Variants in IMMT observed in about 807,000 individuals in gnomAD.
The protein encoded by IMMT is MICOS complex subunit MIC60.
IMMT carries 40 observed loss-of-function variants against 92.7 expected under a neutral mutation model. The observed-to-expected ratio is 0.43, with a 90% CI of 0.34 to 0.56. The LOEUF (loss-of-function observed/expected upper bound fraction) is 0.56, where lower values mean the gene tolerates loss of function less well. Among genes scored for constraint, IMMT ranks in the 20% least tolerant of loss-of-function variants. IMMT has a pLI of 0.03. For missense variants in IMMT, 831 were observed against 912.1 expected (o/e 0.91, Z 1.14); for synonymous variants, 322 against 336.1 (o/e 0.96, Z 0.46).
intron 3 of IMMT, among the ~76,000 whole-genome samples, chr2:86,175,646 TA>T (rs1266334446): frequency 5.3e-5 from 8 of 150,480 alleles, no homozygotes; most frequent in Non-Finnish European, 1.0e-4. Flanking sequence ...ATGTTGCCAC[TA>T]AAAAGGTTAC....
intron 2 of IMMT, among the ~76,000 whole-genome samples, chr2:86,180,905 AT>A (rs1672396059): frequency 6.6e-6 from 1 of 152,146 alleles, no homozygotes; most frequent in Non-Finnish European, 1.5e-5. Context: ...AGAAAAAAAA[AT>A]AGATAATAAA....
In IMMT at chr2:86,171,386, G is replaced by A. The variant is rs956448753; in HGVS notation, c.422-41C>T. ...ACTCATGGTATTTATACTTTCCTGGGTTAACAGAGAAACACACAGAAATTT... is the reference window on the plus strand; with the variant it reads ...ACTCATGGTATTTATACTTTCCTGGATTAACAGAGAAACACACAGAAATTT... On this transcript the variant is annotated intron_variant, in intron 4 of 14. Transcript: ENST00000410111. The A allele has an allele frequency of 1.3e-5, 20 of 1,580,818 alleles. No homozygotes were observed. In the African/African-American group the frequency reaches 2.3e-4, roughly 18 times the overall value.
intron 7 of IMMT, among the ~76,000 whole-genome samples, chr2:86,163,214 A>G (rs375572378): frequency 5.9e-5 from 9 of 152,038 alleles, no homozygotes; most frequent in East Asian, 3.9e-4. Flanking sequence ...CAGCTACTTG[A>G]GGGGCTGATG....
chr2:86,147,792 G>A lies in IMMT; in HGVS notation c.1443C>T (p.Thr481=), dbSNP rs758692989. ...GGGCAGCTGCCTGTCGGCGAAGCTG[G>A]GTTCTCATTTCATTTTCCATGGCAT... The part of the protein sequence containing the change: ...VRDAMENEMR[T]QLRRQAAAHT... Residue 481 remains threonine (T), a synonymous_variant, in exon 13 of 15, where the codon ACC becomes ACT. Coordinates refer to ENST00000410111, the MANE Select transcript of IMMT (RefSeq NM_006839.3). The A allele has an allele frequency of 1.1e-5, 17 of 1,613,746 alleles. No homozygotes were observed. The East Asian group carries it at 3.6e-4, about 34-fold the overall frequency.
intron 5 of IMMT, 76 bp from the exon 6 acceptor site, chr2:86,170,920 C>T: frequency 4.2e-6 from 5 of 1,178,610 alleles, no homozygotes; most frequent in Non-Finnish European, 6.1e-6. Context: ...ATAAAAAAAG[C>T]ATCGTTTGTA....
At chr2:86,174,722 T>C (rs1415763047) in intron 3 of IMMT, among the ~76,000 whole-genome samples, 1 of 133,944 alleles carries the variant, frequency 7.5e-6, no homozygotes, top group Non-Finnish European at 1.7e-5. Flanking sequence ...TTATACAAAT[T>C]ACCTTGTAAC....
chr2:86,171,908 C>CAAGAT (rs1279557114), intron 4 of IMMT, among the ~76,000 whole-genome samples: 2 of 149,780 alleles, frequency 1.3e-5, no homozygotes, highest in Non-Finnish European at 3.0e-5. Flanking sequence ...GCCAACACAG[C>CAAGAT]AAGATCCCAT....
chr2:86,161,238 T>C (rs2104934308), intron 8 of IMMT, among the ~76,000 whole-genome samples: 1 of 152,270 alleles, frequency 6.6e-6, no homozygotes, highest in East Asian at 1.9e-4. Flanking sequence ...CTCAGTTCAC[T>C]GCAACCTCCA....
In IMMT at chr2:86,144,102, A is replaced by C; in HGVS notation, c.*166T>G. 2 of 750,426 alleles carry C rather than the reference A, an allele frequency of 2.7e-6. No individual in the cohort carries two copies. Among genetic ancestry groups the C allele is most frequent in the South Asian group, 1.9e-5 (1 of 52,380 alleles). The allele number at this position is 750,426 out of a possible 1,614,324, so 46.5% of individuals were successfully genotyped here. ...AGCACTCCTGGCGTTCACTGACATG[A>C]TAGCAAATGGAAAGAATATAAATGC... is the stretch of plus-strand genomic sequence containing the variant. On this transcript the variant is annotated 3_prime_UTR_variant, in exon 15 of 15. Coordinates refer to ENST00000410111, the MANE Select transcript of IMMT (RefSeq NM_006839.3).
Position 86,181,355 on chromosome 2 carries a change from C to A in IMMT, c.63G>T (p.Lys21Asn). The A allele has an allele frequency of 6.2e-7, 1 of 1,613,600 alleles. No homozygotes were observed. Among genetic ancestry groups the A allele is most frequent in the Non-Finnish European group, 8.5e-7 (1 of 1,179,616 alleles). Residue 21 changes from lysine (K) to asparagine (N), a missense_variant, in exon 2 of 15, where the codon AAG becomes AAT. Lys to Asn is a moderately conservative substitution (Grantham distance 94). Transcript: ENST00000410111. Reference sequence around the variant, plus strand: ...ATGGTCGCAATGGACGGAGGACAAACTTCCCACAGAGACAACTCTAAAGAA... The same window carrying A: ...ATGGTCGCAATGGACGGAGGACAAAATTCCCACAGAGACAACTCTAAAGAA... ...TAAAQSCLCG[K>N]FVLRPLRPCR...
chr2:86,192,733 A>G (rs1673227235), intron 1 of IMMT, among the ~76,000 whole-genome samples: 1 of 152,146 alleles, frequency 6.6e-6, no homozygotes, highest in African/African-American at 2.4e-5. Context: ...TCAGAATTCT[A>G]TTTTGGATCA....
chr2:86,184,821 T>C (rs551926573), intron 1 of IMMT, among the ~76,000 whole-genome samples: 1 of 152,284 alleles, frequency 6.6e-6, no homozygotes, highest in African/African-American at 2.4e-5. Flanking sequence ...CTGTCATCTG[T>C]AATGACAGAC....
intron 14 of IMMT, 129 bp downstream of exon 14, chr2:86,145,939 C>T (rs1674969531): frequency 7.7e-6 from 5 of 652,506 alleles, no homozygotes; most frequent in Middle Eastern, 4.8e-4. Flanking sequence ...GCAAAAACTG[C>T]AATTAAGTAG....
intron 3 of IMMT, among the ~76,000 whole-genome samples, chr2:86,175,691 G>A (rs555865821): frequency 6.7e-6 from 1 of 149,054 alleles, no homozygotes; most frequent in East Asian, 2.0e-4. Context: ...AAGTTGACAC[G>A]ATGTTTAACA....
At chr2:86,179,066 C>T (rs750987953) in intron 3 of IMMT, among the ~76,000 whole-genome samples, 4 of 151,798 alleles carry the variant, frequency 2.6e-5, no homozygotes, top group Non-Finnish European at 4.4e-5. Context: ...TGTCTCAAAA[C>T]AAAAACAAAA....
chr2:86,195,068 G>A (rs1460814647), intron 1 of IMMT: 1 of 399,454 alleles, frequency 2.5e-6, no homozygotes, highest in Non-Finnish European at 4.6e-6. Context: ...CTGGACGGGG[G>A]CAGCGCGGCC....
rs201196528 is a variant in IMMT, at chr2:86,157,511, T to TCCAC, written c.1162+1080_1162+1081insGTGG. On this transcript the variant is annotated intron_variant, in intron 10 of 14. Transcript: ENST00000410111. ...CATTTAAACAGTGTTTTGAGCCAGG[T>TCCAC]GTGGTGGCTCACACCTGTAATCCCA... Among the ~76,000 whole-genome samples the TCCAC allele has an allele frequency of 7.6e-3, 1,161 of 152,112 alleles. 20 individuals carry two copies. The highest frequency in any genetic ancestry group is 0.026 in the African/African-American group (1,070 of 41,522).
In IMMT at chr2:86,171,202, A is replaced by T; in HGVS notation, c.559+6T>A. ...ATAAAAGAACAAATAGAAATAATTA[A>T]ATTACCTGAAAGTGCAGGTGTGGGT... On this transcript the variant is annotated splice_donor_region_variant and intron_variant, in intron 5 of 14. Coordinates refer to ENST00000410111, the MANE Select transcript of IMMT (RefSeq NM_006839.3). 1 of 1,577,304 alleles carries T rather than the reference A, an allele frequency of 6.3e-7. No individual in the cohort carries two copies. Among genetic ancestry groups the T allele is most frequent in the Non-Finnish European group, 8.6e-7 (1 of 1,160,534 alleles).
intron 7 of IMMT, among the ~76,000 whole-genome samples, chr2:86,164,074 T>TTTTTTTTTTTG (rs869251997): frequency 8.6e-6 from 1 of 116,270 alleles, no homozygotes; most frequent in Non-Finnish European, 1.9e-5. Context: ...TTTTTTTTTT[T>TTTTTTTTTTTG]GAGATGGAGT....
Sources: allele counts gnomAD v4.1 joint callset (sites outside exome capture counted in the v4.1 genomes callset), GRCh38; gene constraint gnomAD v4.1.1; transcripts MANE v1.5; gene names NCBI Gene and HGNC (gene_info 2026-07-23, HGNC 2026-07-21).